The following CD22 variants were observed in gnomAD, a reference collection of about 807,000 sequenced individuals.
CD22 encodes the protein CD22 molecule.
A neutral mutation model predicts 94.7 loss-of-function variants in CD22; 51 were observed. That is an observed-to-expected ratio of 0.54 (90% CI 0.43 to 0.68). The LOEUF (loss-of-function observed/expected upper bound fraction) is 0.68. Ranked by LOEUF, CD22 falls within the 30% of genes least tolerant of loss-of-function variation. The pLI, the probability that CD22 is intolerant of heterozygous loss-of-function variation, is 0.00. For synonymous variants in CD22, 424 were observed against 422.5 expected (o/e 1.00, Z -0.04); for missense variants, 931 against 1,060.4 (o/e 0.88, Z 1.69).
chr19:35,342,100 T>G, intron 9 of CD22, 135 bp downstream of exon 9: 1 of 729,332 alleles, frequency 1.4e-6, no homozygotes, highest in Non-Finnish European at 2.2e-6. Context: ...CCCCTCCTCC[T>G]CCTCTTCCTC....
intron 1 of CD22, chr19:35,329,465 G>A (rs2066616485): frequency 5.5e-6 from 2 of 361,178 alleles, no homozygotes; most frequent in East Asian, 7.3e-5. Context: ...GGAAGAAGGA[G>A]CCAGGGAGGT....
chr19:35,329,617 G>A (rs1410194707), intron 1 of CD22: 1 of 207,008 alleles, frequency 4.8e-6, no homozygotes, highest in African/African-American at 2.2e-5. Context: ...CCGGGCCTGG[G>A]GCCCTACTCC....
intron 6 of CD22, 83 bp from the exon 7 acceptor site, chr19:35,340,798 G>T (rs2066796712): frequency 6.7e-7 from 1 of 1,499,434 alleles, no homozygotes; most frequent in Non-Finnish European, 9.2e-7. Flanking sequence ...CCCGGGACAG[G>T]TAGCGGGAGA....
chr19:35,342,554 C>T (rs1052791142), intron 9 of CD22, among the ~76,000 whole-genome samples: 2 of 152,134 alleles, frequency 1.3e-5, no homozygotes, highest in Admixed American at 1.3e-4. Flanking sequence ...CCTTCTTCCC[C>T]ACCTCACTGT....
At position 35,333,349 on chromosome 19, in the gene CD22, C is replaced by A. The variant is rs538473738; in HGVS notation, c.412+425C>A. On this transcript the variant is annotated intron_variant, in intron 3 of 13. Transcript: ENST00000085219. ...GACATTGGGGTCTGAAGCTGCATCG[C>A]TCACCCCAAACTTAGGGCTGCTCAG... Among the ~76,000 whole-genome samples the A allele has an allele frequency of 3.3e-5, 5 of 152,244 alleles. No homozygotes were observed. The South Asian group carries it at 6.2e-4, about 19-fold the overall frequency.
intron 13 of CD22, 125 bp downstream of exon 13, chr19:35,346,360 G>A: frequency 1.9e-6 from 2 of 1,072,716 alleles, no homozygotes; most frequent in Non-Finnish European, 1.4e-6. Context: ...GAGGTTGGGT[G>A]TTGGAGACGG....
At chr19:35,346,272 G>T in intron 13 of CD22, 37 bp downstream of exon 13, 1 of 1,558,454 alleles carries the variant, frequency 6.4e-7, no homozygotes, top group Non-Finnish European at 8.9e-7. Flanking sequence ...CAGAGGGGCT[G>T]TGGAAGGCTG....
intron 13 of CD22, 133 bp from the exon 14 acceptor site, chr19:35,346,433 C>T (rs2066908674): frequency 7.7e-7 from 1 of 1,296,944 alleles, no homozygotes; most frequent in East Asian, 2.5e-5. Context: ...CCGGCCACAG[C>T]CAGTTTCCTG....
At chr19:35,344,797 A>G (rs377352672) in intron 9 of CD22, 32 bp from the exon 10 acceptor site, 1 of 1,511,004 alleles carries the variant, frequency 6.6e-7, no homozygotes, top group African/African-American at 1.4e-5. Context: ...CTGGCCCCTC[A>G]GTTGATTAAG....
intron 1 of CD22, chr19:35,329,943 A>C (rs2066622347): frequency 6.5e-6 from 1 of 153,180 alleles, no homozygotes; most frequent in Admixed American, 6.5e-5. Flanking sequence ...AGTATGGACA[A>C]TGTATTATAC....
chr19:35,344,122 G>T (rs1210828738), intron 9 of CD22, among the ~76,000 whole-genome samples: 2 of 152,216 alleles, frequency 1.3e-5, no homozygotes, highest in Admixed American at 6.5e-5. Flanking sequence ...CTTGAACCCG[G>T]GAGGCAGAGG....
chr19:35,341,220 G>C lies in CD22; in HGVS notation c.1507+82G>C. 1 of 1,603,124 alleles carries C rather than the reference G, an allele frequency of 6.2e-7. No homozygotes were observed. The highest frequency in any genetic ancestry group is 8.5e-7 in the Non-Finnish European group (1 of 1,172,834). ...ATGAAGGCAACGAGGCCGGAGCCTG[G>C]GCCAGTGTCTTCAACAGAATTGAGG... On this transcript the variant is annotated intron_variant, in intron 7 of 13. Coordinates refer to ENST00000085219, the MANE Select transcript of CD22 (RefSeq NM_001771.4). The surrounding 1 kb of genome is among the most constrained non-coding windows in gnomAD (Gnocchi z 4.0).
In CD22 at chr19:35,345,130, G is replaced by A. The variant is rs757769408; in HGVS notation, c.2208+4G>A. The A allele has an allele frequency of 6.2e-7, 1 of 1,613,326 alleles. No homozygotes were observed. Among genetic ancestry groups the A allele is most frequent in the African/African-American group, 1.3e-5 (1 of 74,804 alleles). The stretch of plus-strand genomic sequence containing the variant: ...CTTCTTTGTGAGGAATAAAAAGGTA[G>A]GATGGGGCTGGGCACGATGGCTCAT... On this transcript the variant is annotated splice_donor_region_variant and intron_variant, in intron 11 of 13. Coordinates refer to ENST00000085219, the MANE Select transcript of CD22 (RefSeq NM_001771.4).
rs778161420 is a variant in CD22 at position 35,338,133 on chromosome 19, C to T, written c.986-35C>T. On this transcript the variant is annotated intron_variant, in intron 5 of 13. Coordinates refer to ENST00000085219, the MANE Select transcript of CD22 (RefSeq NM_001771.4). ...GTGTGCACAGGTTGGGGGTGCTCTC[C>T]TCACCCCTCCACTCGCCTCTGCCCC... The T allele has an allele frequency of 7.2e-5, 115 of 1,587,430 alleles. No individual in the cohort carries two copies. In the East Asian group the frequency reaches 2.6e-3, roughly 35 times the overall value.
chr19:35,332,239 C>T (rs2066656226), intron 2 of CD22, 165 bp downstream of exon 2: 1 of 704,324 alleles, frequency 1.4e-6, no homozygotes, highest in Non-Finnish European at 2.4e-6. Context: ...TATATACATA[C>T]ACTTCTCTCA....
chr19:35,346,704 A>G lies in CD22; in HGVS notation c.*7A>G, dbSNP rs765188731. ...TGTGATCCTCAAACATTGACACTGG[A>G]TGGGCTGCAGCAGAGGCACTGGGGG... On this transcript the variant is annotated 3_prime_UTR_variant, in exon 14 of 14. Transcript: ENST00000085219. 6.2e-7 allele frequency: 1 copy of G among 1,602,488 alleles called. No individual in the cohort carries two copies. Among genetic ancestry groups the G allele is most frequent in the Non-Finnish European group, 8.5e-7 (1 of 1,173,180 alleles).
chr19:35,329,648 A>C (rs532518398), intron 1 of CD22: 1 of 190,368 alleles, frequency 5.3e-6, no homozygotes, highest in East Asian at 1.1e-4. Context: ...AGACTCCTGG[A>C]GCTCCTTGAG....
chr19:35,346,186 C>T lies in CD22; in HGVS notation c.2363C>T (p.Pro788Leu), dbSNP rs540784665. 1.6e-5 allele frequency: 26 copies of T among 1,614,002 alleles called. No individual in the cohort carries two copies. The East Asian group carries it at 4.0e-4, about 25-fold the overall frequency. ...AESSEMQRPPPDCDDTVTYSA... is the reference protein window; with the variant it reads ...AESSEMQRPPLDCDDTVTYSA... ...TCCTCAGAGATGCAGAGACCTCCCC[C>T]GGACTGCGATGACACGGTCACTTAT... Residue 788 changes from proline (P) to leucine (L), a missense_variant, in exon 13 of 14, where the codon CCG (proline) becomes CTG (leucine). Transcript: ENST00000085219.
intron 3 of CD22, among the ~76,000 whole-genome samples, chr19:35,333,666 T>G (rs1290484676): frequency 5.3e-5 from 8 of 152,080 alleles, no homozygotes; most frequent in Admixed American, 4.6e-4. Flanking sequence ...CAAGCAATCC[T>G]CCCACCTCCA....
Sources: gnomAD v4.1 joint callset for allele counts (sites outside exome capture counted in the v4.1 genomes callset) on GRCh38, gnomAD v4.1.1 for gene constraint, Gnocchi (gnomAD v3.1) non-coding constraint, MANE v1.5 for transcripts, NCBI Gene and HGNC (gene_info 2026-07-23, HGNC 2026-07-21) for gene names.